The following MCTP1 variants were observed in gnomAD, a reference collection of about 807,000 sequenced individuals.
MCTP1 encodes multiple C2 and transmembrane domain containing 1.
Under a neutral mutation model 120.6 loss-of-function variants are expected in MCTP1, and 69 were observed. That is an observed-to-expected ratio of 0.57 (90% CI 0.47 to 0.70). MCTP1 has a LOEUF of 0.70. Among genes scored for constraint, MCTP1 ranks in the 30% least tolerant of loss-of-function variants. MCTP1 has a pLI of 0.00. For synonymous variants in MCTP1, 529 were observed against 493.1 expected, an observed-to-expected ratio of 1.07 and a Z score of -0.96; for missense variants, 1,203 against 1,248.8, an observed-to-expected ratio of 0.96 and a Z score of 0.55.
chr5:95,039,741 A>C (rs569573525), intron 1 of MCTP1, among the ~76,000 whole-genome samples: 8 of 152,168 alleles, frequency 5.3e-5, no homozygotes, highest in Non-Finnish European at 1.2e-4. Context: ...AAATTATCAA[A>C]AGTTGACGTA....
At chr5:94,766,672 T>TAA (rs35421224) in intron 19 of MCTP1, among the ~76,000 whole-genome samples, 117 of 143,294 alleles carry the variant, frequency 8.2e-4, no homozygotes, top group Middle Eastern at 3.6e-3. Flanking sequence ...AAAGTATAGT[T>TAA]AAAAAAAAAA....
chr5:94,886,991 A>C (rs906920916), intron 12 of MCTP1, among the ~76,000 whole-genome samples: 2 of 152,168 alleles, frequency 1.3e-5, no homozygotes, highest in Non-Finnish European at 2.9e-5. Flanking sequence ...TGCCACCATC[A>C]CAAATGTCAT....
rs556685348 is a variant in MCTP1, at chr5:94,705,390, A to G, written c.*2106T>C. The G allele has an allele frequency of 2.0e-5, 3 of 151,324 alleles. No individual in the cohort carries two copies. Among genetic ancestry groups the G allele is most frequent in the Non-Finnish European group, 3.0e-5 (2 of 67,580 alleles). The allele number at this position is 151,324 out of a possible 1,614,324, so 9.4% of individuals were successfully genotyped here. A position where few individuals can be genotyped will look rare whatever the true frequency, so the allele number is the denominator to read the frequency against. On this transcript the variant is annotated 3_prime_UTR_variant, in exon 23 of 23. Transcript: ENST00000515393. ...CTCACCCCTCCAGAGGTATTTTCAT[A>G]TAAGAGTCAGAGTTTCAGGAAAAAG...
In MCTP1 at chr5:94,873,197, G is replaced by T; in HGVS notation, c.1978C>A (p.Leu660Met). 6.2e-7 allele frequency: 1 copy of T among 1,611,080 alleles called. No homozygotes were observed. Residue 660 changes from leucine to methionine, a missense_variant, in exon 13 of 23, where the codon CTG (leucine) becomes ATG (methionine). Coordinates refer to ENST00000515393, the MANE Select transcript of MCTP1 (RefSeq NM_024717.7). ...TTTTTGTAGACAGTATGTGTTAGCA[G>T]TCTATCGTTGTTCAGTTCTACCACA... ...FCVVELNNDRLLTHTVYKNLN... is the reference protein window; with the variant it reads ...FCVVELNNDRMLTHTVYKNLN...
At chr5:95,274,018 C>G (rs567577350) in intron 1 of MCTP1, among the ~76,000 whole-genome samples, 1 of 152,270 alleles carries the variant, frequency 6.6e-6, no homozygotes, top group South Asian at 2.1e-4. Flanking sequence ...CCTGTTTCCA[C>G]ATCAGCTTCG....
intron 1 of MCTP1, among the ~76,000 whole-genome samples, chr5:95,043,162 T>C (rs1159473770): frequency 6.6e-6 from 1 of 152,216 alleles, no homozygotes; most frequent in Non-Finnish European, 1.5e-5. Flanking sequence ...CAGATATTTA[T>C]AATAAGTCAG....
At chr5:95,127,601 G>T (rs1171945580) in intron 1 of MCTP1, among the ~76,000 whole-genome samples, 1 of 152,160 alleles carries the variant, frequency 6.6e-6, no homozygotes, top group Non-Finnish European at 1.5e-5. Context: ...CACAGAGGAG[G>T]TGGACTGACC....
intron 19 of MCTP1, among the ~76,000 whole-genome samples, chr5:94,775,975 A>C (rs555219685): frequency 6.8e-5 from 10 of 147,638 alleles, no homozygotes; most frequent in Non-Finnish European, 1.3e-4. Flanking sequence ...TTATATATAT[A>C]TATATATTTA....
chr5:94,934,896 C>CA (rs948750521), intron 5 of MCTP1, among the ~76,000 whole-genome samples: 10 of 151,736 alleles, frequency 6.6e-5, no homozygotes, highest in African/African-American at 2.4e-4. Flanking sequence ...ACAAATTCTC[C>CA]AATGAAGAAA....
intron 2 of MCTP1, among the ~76,000 whole-genome samples, chr5:94,955,101 A>C (rs1822217083): frequency 6.6e-6 from 1 of 152,170 alleles, no homozygotes; most frequent in African/African-American, 2.4e-5. Context: ...CAGTGGGTGC[A>C]GCCCACAGAG....
At position 94,708,543 on chromosome 5, in the gene MCTP1, A is replaced by T; in HGVS notation, c.2897T>A (p.Phe966Tyr). Reference protein sequence around the residue: ...YAIDNNELLDFLSRVPSDVQV... With the variant: ...YAIDNNELLDYLSRVPSDVQV... ...TACATCTGAAGGGACTCTGGAAAGG[A>T]AGTCAAGTAGTTCATTGTTATCAAT... The change falls in exon 22 of 23, where the codon TTC (phenylalanine) becomes TAC (tyrosine). Residue 966 changes from phenylalanine (F) to tyrosine (Y), a missense_variant. This residue lies in a region of MCTP1 where 740 missense variants were observed against 871.1 expected (regional missense o/e 0.85). Coordinates refer to ENST00000515393, the MANE Select transcript of MCTP1 (RefSeq NM_024717.7). 1 of 1,610,440 alleles carries T rather than the reference A, an allele frequency of 6.2e-7. No homozygotes were observed. Among genetic ancestry groups the T allele is most frequent in the African/African-American group, 1.3e-5 (1 of 74,906 alleles).
intron 2 of MCTP1, among the ~76,000 whole-genome samples, chr5:94,968,178 T>C (rs905006779): frequency 9.2e-5 from 14 of 152,206 alleles, no homozygotes; most frequent in African/African-American, 3.4e-4. Flanking sequence ...TTTAGCAAGA[T>C]ATTATCTGAT....
At chr5:95,180,274 A>C (rs1313824040) in intron 1 of MCTP1, among the ~76,000 whole-genome samples, 1 of 152,208 alleles carries the variant, frequency 6.6e-6, no homozygotes, top group Non-Finnish European at 1.5e-5. Context: ...ACAATGTAGG[A>C]GGCAGTCACT....
chr5:94,769,894 G>A (rs745338135), intron 19 of MCTP1, among the ~76,000 whole-genome samples: 4 of 152,132 alleles, frequency 2.6e-5, no homozygotes, highest in African/African-American at 4.8e-5. Flanking sequence ...ATCAAATGAT[G>A]TCAACTCTAC....
Position 94,708,563 on chromosome 5 carries a change from A to G in MCTP1, c.2877T>C (p.Asp959=). The G allele has an allele frequency of 1.2e-6, 2 of 1,611,740 alleles. No individual in the cohort carries two copies. The highest frequency in any genetic ancestry group is 1.7e-6 in the Non-Finnish European group (2 of 1,178,352). ...TKKLRSPYAI[D]NNELLDFLSR... The stretch of plus-strand genomic sequence containing the variant: ...AAAGGAAGTCAAGTAGTTCATTGTT[A>G]TCAATTGCATATGGACTCCGAAGCT... The change falls in exon 22 of 23, where the codon GAT becomes GAC. Residue 959 remains aspartate (D), a synonymous_variant. Coordinates refer to ENST00000515393, the MANE Select transcript of MCTP1 (RefSeq NM_024717.7).
At chr5:95,047,755 C>T (rs1329633984) in intron 1 of MCTP1, among the ~76,000 whole-genome samples, 1 of 152,044 alleles carries the variant, frequency 6.6e-6, no homozygotes, top group Non-Finnish European at 1.5e-5. Flanking sequence ...CCCACCTATT[C>T]ATCTCTTCTT....
chr5:95,130,115 G>A (rs1172164617), intron 1 of MCTP1, among the ~76,000 whole-genome samples: 3 of 152,174 alleles, frequency 2.0e-5, no homozygotes, highest in African/African-American at 4.8e-5. Flanking sequence ...CTTAGAAATA[G>A]GGCTGAATTA....
chr5:95,187,550 C>T (rs1266196171), intron 1 of MCTP1, among the ~76,000 whole-genome samples: 4 of 152,154 alleles, frequency 2.6e-5, no homozygotes. Flanking sequence ...CAGGCACCCG[C>T]CACCACGCCC....
intron 1 of MCTP1, among the ~76,000 whole-genome samples, chr5:95,211,017 G>C (rs1287203552): frequency 1.3e-5 from 2 of 151,822 alleles, no homozygotes; most frequent in South Asian, 4.2e-4. Flanking sequence ...CTCTCTTCTG[G>C]CTTGTAGAGT....
Sources: gnomAD v4.1 joint callset for allele counts (sites outside exome capture counted in the v4.1 genomes callset) on GRCh38, gnomAD v4.1.1 for gene constraint, gnomAD v4.1.1 regional missense constraint, MANE v1.5 for transcripts, NCBI Gene and HGNC (gene_info 2026-07-23, HGNC 2026-07-21) for gene names.